Variants in ZBTB20 observed in about 807,000 individuals in gnomAD.
The protein encoded by ZBTB20 is zinc finger and BTB domain containing 20, also known as zinc finger and BTB domain-containing protein 20.
In ZBTB20, 9 loss-of-function variants were observed where a neutral mutation model predicts 56.9. The observed-to-expected ratio is 0.16, with a 90% CI of 0.10 to 0.28. The LOEUF is 0.28. Among genes scored for constraint, ZBTB20 ranks in the 10% least tolerant of loss-of-function variants. ZBTB20 has a pLI of 1.00. For missense variants in ZBTB20, 655 were observed against 1,003.0 expected, an observed-to-expected ratio of 0.65 and a Z score of 4.69; for synonymous variants, 417 against 420.7, an observed-to-expected ratio of 0.99 and a Z score of 0.11.
At chr3:114,592,677 A>G (rs540903972) in intron 6 of ZBTB20, among the ~76,000 whole-genome samples, 10 of 152,242 alleles carry the variant, frequency 6.6e-5, no homozygotes, top group Non-Finnish European at 1.5e-4. Flanking sequence ...CGTTGAATAC[A>G]AACATAACAA....
At chr3:114,419,622 A>G (rs2088938705) in intron 7 of ZBTB20, among the ~76,000 whole-genome samples, 1 of 152,124 alleles carries the variant, frequency 6.6e-6, no homozygotes, top group Admixed American at 6.6e-5. Flanking sequence ...TCCTCTTTGT[A>G]TAATTTTAAT....
At chr3:114,853,266 A>T (rs1038996841) in intron 4 of ZBTB20, among the ~76,000 whole-genome samples, 6 of 152,310 alleles carry the variant, frequency 3.9e-5, no homozygotes, top group Non-Finnish European at 4.4e-5. Flanking sequence ...AAGTAACTGG[A>T]GCATGTGTCC....
chr3:114,854,629 T>A (rs2075156191), intron 4 of ZBTB20, among the ~76,000 whole-genome samples: 1 of 152,226 alleles, frequency 6.6e-6, no homozygotes, highest in South Asian at 2.1e-4. Context: ...GTTTTTGTGC[T>A]CATCACTTAA....
intron 6 of ZBTB20, among the ~76,000 whole-genome samples, chr3:114,564,832 C>T (rs1344842371): frequency 6.6e-6 from 1 of 152,184 alleles, no homozygotes; most frequent in East Asian, 1.9e-4. Flanking sequence ...ACATTGACAT[C>T]TCAATAAGCA....
At chr3:115,023,168 T>G (rs1279077568) in intron 2 of ZBTB20, among the ~76,000 whole-genome samples, 2 of 150,940 alleles carry the variant, frequency 1.3e-5, no homozygotes, top group Non-Finnish European at 3.0e-5. Flanking sequence ...GGACAGAGAT[T>G]GAAACCTTAA....
At chr3:114,367,965 C>T (rs1242329701) in intron 10 of ZBTB20, among the ~76,000 whole-genome samples, 1 of 152,114 alleles carries the variant, frequency 6.6e-6, no homozygotes, top group Non-Finnish European at 1.5e-5. Flanking sequence ...CAGCCTCAGT[C>T]GTTCTCAGGG....
chr3:115,127,818 G>A (rs879340804), intron 1 of ZBTB20, among the ~76,000 whole-genome samples: 1 of 152,170 alleles, frequency 6.6e-6, no homozygotes, highest in Non-Finnish European at 1.5e-5. Flanking sequence ...ATTCCAAAGA[G>A]AAGCAGGTCT....
chr3:115,131,616 A>G (rs1201643882), intron 1 of ZBTB20, among the ~76,000 whole-genome samples: 2 of 152,204 alleles, frequency 1.3e-5, no homozygotes, highest in Non-Finnish European at 2.9e-5. Context: ...CTATATTTCT[A>G]TGGAATATAT....
intron 1 of ZBTB20, among the ~76,000 whole-genome samples, chr3:115,084,562 TTTG>T (rs1356692454): frequency 6.6e-6 from 1 of 151,816 alleles, no homozygotes; most frequent in Non-Finnish European, 1.5e-5. Context: ...AAATATGAGA[TTTG>T]TTTTTTTAAA....
chr3:114,520,891 ATC>A, intron 6 of ZBTB20, among the ~76,000 whole-genome samples: 1 of 152,238 alleles, frequency 6.6e-6, no homozygotes, highest in Non-Finnish European at 1.5e-5. Flanking sequence ...CCATTCACCC[ATC>A]TGCCAAAGTT....
chr3:114,946,944 C>T (rs1356400703), intron 3 of ZBTB20, among the ~76,000 whole-genome samples: 2 of 145,570 alleles, frequency 1.4e-5, no homozygotes, highest in East Asian at 3.9e-4. Context: ...TTACAAGGAA[C>T]TCAAACTAAA....
At chr3:114,658,638 C>G (rs1194458474) in intron 6 of ZBTB20, 4 of 152,190 alleles carry the variant, frequency 2.6e-5, no homozygotes, top group Non-Finnish European at 5.9e-5. Flanking sequence ...ATCTCCGTGC[C>G]TTTCTTGTTC....
At chr3:114,928,615 C>T (rs953720918) in intron 3 of ZBTB20, among the ~76,000 whole-genome samples, 4 of 152,222 alleles carry the variant, frequency 2.6e-5, no homozygotes, top group African/African-American at 9.6e-5. Context: ...GACTCCCACA[C>T]ACAATCTCAA....
chr3:115,140,064 A>T (rs1442778118), intron 1 of ZBTB20, among the ~76,000 whole-genome samples: 1 of 152,030 alleles, frequency 6.6e-6, no homozygotes, highest in Non-Finnish European at 1.5e-5. Flanking sequence ...CACTACCAGA[A>T]GCTAAAATAA....
At chr3:114,639,251 C>T (rs1381364531) in intron 6 of ZBTB20, among the ~76,000 whole-genome samples, 1 of 151,930 alleles carries the variant, frequency 6.6e-6, no homozygotes, top group Non-Finnish European at 1.5e-5. Flanking sequence ...GGTTAGTGAC[C>T]TTAAACATAA....
At chr3:114,392,388 C>A (rs1030543454) in intron 7 of ZBTB20, among the ~76,000 whole-genome samples, 8 of 151,966 alleles carry the variant, frequency 5.3e-5, no homozygotes, top group Non-Finnish European at 1.2e-4. Context: ...TCTCATGTAC[C>A]CCAGAAATAT....
In ZBTB20 at chr3:114,339,527, A is replaced by T; in HGVS notation, c.1805-101T>A. ...ACAAGACAACAAAAAAGAAAAATAA[A>T]ACAATTAAAAAATAAAATTTGATTG... On this transcript the variant is annotated intron_variant, in intron 11 of 11. Transcript: ENST00000675478. This position sits in a 1 kb window ranked among gnomAD's most constrained non-coding sequence, Gnocchi z 4.2. The T allele has an allele frequency of 7.6e-7, 1 of 1,309,952 alleles. No individual in the cohort carries two copies. The highest frequency in any genetic ancestry group is 1.0e-6 in the Non-Finnish European group (1 of 980,546). 81.1% of individuals were successfully genotyped at this position (1,309,952 alleles called of 1,614,324 possible).
At chr3:114,513,194 A>C (rs1313972917) in intron 6 of ZBTB20, among the ~76,000 whole-genome samples, 2 of 152,282 alleles carry the variant, frequency 1.3e-5, no homozygotes, top group East Asian at 3.9e-4. Context: ...GCTTTCAGAC[A>C]TTTTTATCTT....
At chr3:114,801,887 A>AT (rs1349688988) in intron 4 of ZBTB20, among the ~76,000 whole-genome samples, 1 of 151,916 alleles carries the variant, frequency 6.6e-6, no homozygotes. Flanking sequence ...CATGTTGCTT[A>AT]TTTTTTAAAT....
Sources: gnomAD v4.1 joint callset for allele counts (sites outside exome capture counted in the v4.1 genomes callset) on GRCh38, gnomAD v4.1.1 for gene constraint, Gnocchi (gnomAD v3.1) non-coding constraint, MANE v1.5 for transcripts, NCBI Gene and HGNC (gene_info 2026-07-23, HGNC 2026-07-21) for gene names.